The following H1-8 variants were observed in gnomAD, a reference collection of about 807,000 sequenced individuals.
H1-8 encodes the protein H1.8 linker histone.
H1-8 carries 13 observed loss-of-function variants against 19.5 expected under a neutral mutation model. The observed-to-expected ratio is 0.67, with a 90% CI of 0.43 to 1.06. The LOEUF (loss-of-function observed/expected upper bound fraction) is 1.06. H1-8 is among the 50% of genes least tolerant of loss of function. The probability of loss-of-function intolerance (pLI) is 0.00; values close to 1 mark genes in which losing one functional copy is unlikely to be tolerated. For missense variants in H1-8, 432 were observed against 459.8 expected, an observed-to-expected ratio of 0.94 and a Z score of 0.55; for synonymous variants, 193 against 187.6, an observed-to-expected ratio of 1.03 and a Z score of -0.24.
chr3:129,543,642 G>A (rs1209875862), intron 1 of H1-8, among the ~76,000 whole-genome samples: 1 of 152,244 alleles, frequency 6.6e-6, no homozygotes, highest in Non-Finnish European at 1.5e-5. Flanking sequence ...GCTGTGGGCA[G>A]CTAGTTGGAG....
Position 129,551,382 on chromosome 3 carries a change from G to C in H1-8, c.*42G>C, listed in dbSNP as rs970817087. The C allele has an allele frequency of 7.9e-7, 1 of 1,268,038 alleles. No homozygotes were observed. Among genetic ancestry groups the C allele is most frequent in the African/African-American group, 1.5e-5 (1 of 66,028 alleles). 78.5% of individuals were successfully genotyped at this position (1,268,038 alleles called of 1,614,324 possible). A position where few individuals can be genotyped will look rare whatever the true frequency, so the allele number is the denominator to read the frequency against. ...GGAGAGAGACCGAGCCTCTGCCCTA[G>C]TTTTTATTCTTCAACTAACCACTGC... On this transcript the variant is annotated 3_prime_UTR_variant, in exon 5 of 5. Transcript: ENST00000324382.
At chr3:129,543,425 C>CTACCCAGCACCCACCCAGCACT in intron 1 of H1-8, 119 bp downstream of exon 1, 1 of 663,212 alleles carries the variant, frequency 1.5e-6, no homozygotes, top group Non-Finnish European at 2.6e-6. Flanking sequence ...TACCCAGCAC[C>CTACCCAGCACCCACCCAGCACT]CACCCAGCAC....
In H1-8 at chr3:129,548,983, C is replaced by T. The variant is rs888636243; in HGVS notation, c.379-18C>T. 6.3e-7 allele frequency: 1 copy of T among 1,587,726 alleles called. No individual in the cohort carries two copies. The highest frequency in any genetic ancestry group is 8.6e-7 in the Non-Finnish European group (1 of 1,168,156). On this transcript the variant is annotated intron_variant, in intron 2 of 4. Transcript: ENST00000324382. ...ACCTGAGGCTCTGCTTTCAGCCCCA[C>T]CCCGTGTCCTTCTCCAGTTAGTTCC...
chr3:129,551,444 A>G lies in H1-8; in HGVS notation c.*104A>G, dbSNP rs527910504. On this transcript the variant is annotated 3_prime_UTR_variant, in exon 5 of 5. Transcript: ENST00000324382. ...CATTGTAAGCTATTTATCAATAAAG[A>G]CTTTTGTTTCTTTTTCCTCACAATT... The G allele has an allele frequency of 1.3e-6, 1 of 798,306 alleles. No individual in the cohort carries two copies. The highest frequency in any genetic ancestry group is 2.0e-6 in the Non-Finnish European group (1 of 503,444). The allele number at this position is 798,306 out of a possible 1,614,324, so 49.5% of individuals were successfully genotyped here.
At chr3:129,544,244 C>A (rs984337036) in intron 1 of H1-8, among the ~76,000 whole-genome samples, 2 of 152,064 alleles carry the variant, frequency 1.3e-5, no homozygotes, top group Non-Finnish European at 2.9e-5. Flanking sequence ...GCTAGGGGAG[C>A]AGTGGGAGGG....
At chr3:129,549,411 C>G in intron 3 of H1-8, 47 bp downstream of exon 3, 5 of 1,517,234 alleles carry the variant, frequency 3.3e-6, no homozygotes, top group Non-Finnish European at 4.4e-6. Context: ...GGGGTCTTGA[C>G]AGCCACTGGA....
Position 129,543,242 on chromosome 3 carries a change from C to G in H1-8, c.24C>G (p.Ser8Arg), listed in dbSNP as rs201399983. ...TCATGGCTCCTGGGAGCGTCACCAGCGACATCTCACCCTCCTCGACTTCCA... is the reference window on the plus strand; with the variant it reads ...TCATGGCTCCTGGGAGCGTCACCAGGGACATCTCACCCTCCTCGACTTCCA... MAPGSVT[S>R]DISPSSTSTA... The change falls in exon 1 of 5, where the codon AGC becomes AGG. Residue 8 changes from serine (S) to arginine (R), a missense_variant. Transcript: ENST00000324382. 9.3e-6 allele frequency: 15 copies of G among 1,613,342 alleles called. No individual in the cohort carries two copies. The African/African-American group carries it at 1.3e-4, about 14-fold the overall frequency.
chr3:129,549,228 C>A lies in H1-8; in HGVS notation c.606C>A (p.Gly202=), dbSNP rs200057172. ...CAGAGAAGGCTCGCAAGCAAGGCGG[C>A]GCGGCCAAGGACACCAGGGCACAGT... The part of the protein sequence containing the change: ...AATEKARKQG[G]AAKDTRAQSG... Residue 202 remains glycine (G), a synonymous_variant, in exon 3 of 5, where the codon GGC becomes GGA. Transcript: ENST00000324382. 6.3e-7 allele frequency: 1 copy of A among 1,580,628 alleles called. No homozygotes were observed. Among genetic ancestry groups the A allele is most frequent in the Admixed American group, 1.9e-5 (1 of 52,550 alleles).
In H1-8 at chr3:129,550,786, A is replaced by G. The variant is rs1342845324; in HGVS notation, c.784A>G (p.Ser262Gly). The G allele has an allele frequency of 1.9e-6, 3 of 1,614,010 alleles. No individual in the cohort carries two copies. In the South Asian group the frequency reaches 3.3e-5, roughly 18 times the overall value. ...AYRKTKAESK[S>G]SKPTASKVKN... The stretch of plus-strand genomic sequence containing the variant: ...CAGGAAAACCAAAGCTGAGAGTAAG[A>G]GTTCAAAACCCACGGCCAGCAAGGT... Residue 262 changes from serine to glycine, a missense_variant, in exon 4 of 5, where the codon AGT (serine) becomes GGT (glycine). Coordinates refer to ENST00000324382, the MANE Select transcript of H1-8 (RefSeq NM_153833.3).
In H1-8 at chr3:129,549,249, A is replaced by G. The variant is rs2084915272; in HGVS notation, c.627A>G (p.Ala209=). 2 of 1,591,808 alleles carry G rather than the reference A, an allele frequency of 1.3e-6. No individual in the cohort carries two copies. The highest frequency in any genetic ancestry group is 2.3e-5 in the East Asian group (1 of 44,114). The change falls in exon 3 of 5, where the codon GCA becomes GCG. Residue 209 remains alanine (A), a synonymous_variant. Coordinates refer to ENST00000324382, the MANE Select transcript of H1-8 (RefSeq NM_153833.3). The part of the protein sequence containing the change: ...KQGGAAKDTR[A]QSGEARKVPP... Reference sequence around the variant, plus strand: ...GCGGCGCGGCCAAGGACACCAGGGCACAGTCGGGAGAGGCTAGGAAGGTGC... The same window carrying G: ...GCGGCGCGGCCAAGGACACCAGGGCGCAGTCGGGAGAGGCTAGGAAGGTGC...
Position 129,550,766 on chromosome 3 carries a change from A to G in H1-8, c.764A>G (p.Lys255Arg). Residue 255 changes from lysine (K) to arginine (R), a missense_variant, in exon 4 of 5, where the codon AAA becomes AGA. Lys to Arg is a conservative substitution (Grantham distance 26). Coordinates refer to ENST00000324382, the MANE Select transcript of H1-8 (RefSeq NM_153833.3). ...SSQGDAEAYR[K>R]TKAESKSSKP... is the part of the protein sequence containing the mutation. ...CCAGGAGATGCTGAGGCCTACAGGA[A>G]AACCAAAGCTGAGAGTAAGAGTTCA... The G allele has an allele frequency of 6.2e-7, 1 of 1,614,144 alleles. No individual in the cohort carries two copies. Among genetic ancestry groups the G allele is most frequent in the Non-Finnish European group, 8.5e-7 (1 of 1,180,012 alleles).
At chr3:129,548,746 G>C (rs1385760262) in intron 2 of H1-8, among the ~76,000 whole-genome samples, 7 of 152,134 alleles carry the variant, frequency 4.6e-5, no homozygotes, top group Admixed American at 3.9e-4. Context: ...TCAGGGTAGT[G>C]GGGGAGGAGG....
chr3:129,548,604 C>A, intron 2 of H1-8: 1 of 719,490 alleles, frequency 1.4e-6, no homozygotes, highest in Non-Finnish European at 1.7e-6. Flanking sequence ...GATGAGAAGA[C>A]GTGGCTGTGG....
intron 2 of H1-8, 70 bp from the exon 3 acceptor site, chr3:129,548,931 T>C (rs1289279708): frequency 1.3e-6 from 2 of 1,520,060 alleles, no homozygotes; most frequent in African/African-American, 2.8e-5. Context: ...CCATTCGGAG[T>C]CTTACGGGGG....
intron 2 of H1-8, 43 bp from the exon 3 acceptor site, chr3:129,548,958 A>T (rs2084910932): frequency 6.5e-7 from 1 of 1,548,246 alleles, no homozygotes; most frequent in Non-Finnish European, 8.7e-7. Context: ...GGCGTGAGGC[A>T]CCTGAGGCTC....
Position 129,549,100 on chromosome 3 carries a change from C to G in H1-8, c.478C>G (p.Pro160Ala). 1 of 1,600,924 alleles carries G rather than the reference C, an allele frequency of 6.2e-7. No individual in the cohort carries two copies. The highest frequency in any genetic ancestry group is 2.3e-5 in the East Asian group (1 of 44,330). Reference protein sequence around the residue: ...GEAKGKGPKKPSEAKEDPPNV... With the variant: ...GEAKGKGPKKASEAKEDPPNV... ...GGCCAAGGGGAAGGGCCCCAAGAAA[C>G]CAAGTGAGGCCAAGGAGGACCCTCC... is the stretch of plus-strand genomic sequence containing the variant. Residue 160 changes from proline to alanine, a missense_variant, in exon 3 of 5, where the codon CCA becomes GCA. Pro to Ala is a conservative substitution (Grantham distance 27, BLOSUM62 -1). Coordinates refer to ENST00000324382, the MANE Select transcript of H1-8 (RefSeq NM_153833.3).
intron 2 of H1-8, 30 bp downstream of exon 2, chr3:129,547,710 A>G (rs1171861612): frequency 6.6e-7 from 1 of 1,514,436 alleles, no homozygotes; most frequent in Non-Finnish European, 8.8e-7. Context: ...GACATAGCCC[A>G]GGGTTGGAGC....
chr3:129,546,349 A>G (rs6794108), intron 1 of H1-8, among the ~76,000 whole-genome samples: 14,637 of 151,910 alleles, frequency 0.096, 1,111 homozygotes, highest in African/African-American at 0.21. Context: ...AAAACTTTCA[A>G]ATGGATACAA....
In H1-8 at chr3:129,550,813, G is replaced by A; in HGVS notation, c.807+4G>A. ...TTCAAAACCCACGGCCAGCAAGGTA[G>A]GTGCCTGCATGAATTTCCTGGCCTG... is the stretch of plus-strand genomic sequence containing the variant. On this transcript the variant is annotated splice_donor_region_variant and intron_variant, in intron 4 of 4. Transcript: ENST00000324382. 6.2e-7 allele frequency: 1 copy of A among 1,611,914 alleles called. No individual in the cohort carries two copies. The highest frequency in any genetic ancestry group is 8.5e-7 in the Non-Finnish European group (1 of 1,178,794).
Sources: gnomAD v4.1 joint callset for allele counts (sites outside exome capture counted in the v4.1 genomes callset) on GRCh38, gnomAD v4.1.1 for gene constraint, MANE v1.5 for transcripts, NCBI Gene and HGNC (gene_info 2026-07-23, HGNC 2026-07-21) for gene names.